Variants in DOCK11 observed in about 807,000 individuals in gnomAD.
DOCK11 encodes dedicator of cytokinesis protein 11.
DOCK11 carries 70 observed loss-of-function variants against 169.1 expected under a neutral mutation model. The observed-to-expected ratio is 0.41, with a 90% CI of 0.34 to 0.51. The LOEUF (loss-of-function observed/expected upper bound fraction) is 0.51. Ranked by LOEUF, DOCK11 falls within the 20% of genes least tolerant of loss-of-function variation. The probability of loss-of-function intolerance (pLI) is 0.10; values close to 1 mark genes in which losing one functional copy is unlikely to be tolerated. For synonymous variants in DOCK11, 529 were observed against 541.3 expected (o/e 0.98, Z 0.32); for missense variants, 1,166 against 1,538.8 (o/e 0.76, Z 4.05).
At position 118,685,779 on chromosome X, in the gene DOCK11, A is replaced by T. The variant is rs760741761; in HGVS notation, c.6194A>T (p.Tyr2065Phe). The T allele has an allele frequency of 1.7e-6, 2 of 1,211,697 alleles. No individual in the cohort carries two copies. The highest frequency in any genetic ancestry group is 2.2e-6 in the Non-Finnish European group (2 of 895,382). The change falls in exon 53 of 53, where the codon TAT becomes TTT. Residue 2065 changes from tyrosine to phenylalanine, a missense_variant. Tyr to Phe is a conservative substitution (Grantham distance 22). Transcript: ENST00000276202. ...AISGTSSDRG[Y>F]GSPRYAEV ...AGTGGTACATCAAGTGACCGAGGTT[A>T]TGGTTCCCCAAGATACGCTGAAGTG...
chrX:118,516,139 C>T (rs2147317114), intron 1 of DOCK11, among the ~76,000 whole-genome samples: 1 of 87,044 alleles, frequency 1.1e-5, no homozygotes, highest in East Asian at 3.5e-4. Context: ...GTTATCCAGC[C>T]TGGAGTGCAG....
intron 1 of DOCK11, among the ~76,000 whole-genome samples, chrX:118,537,534 A>G (rs1043723877): frequency 1.8e-5 from 2 of 112,435 alleles, no homozygotes; most frequent in Non-Finnish European, 3.7e-5. Flanking sequence ...TGTCTTACAC[A>G]TTTCTAATGA....
At chrX:118,631,776 G>T (rs1008361996) in intron 35 of DOCK11, among the ~76,000 whole-genome samples, 6 of 110,847 alleles carry the variant, frequency 5.4e-5, no homozygotes, top group African/African-American at 2.0e-4. Context: ...TACCACCACA[G>T]CCCAAAGAAT....
chrX:118,581,732 A>T (rs2013642982), intron 14 of DOCK11, among the ~76,000 whole-genome samples: 1 of 89,729 alleles, frequency 1.1e-5, no homozygotes, highest in African/African-American at 4.3e-5. Flanking sequence ...TGAACCTGGG[A>T]GGTGGAGCTT....
intron 20 of DOCK11, among the ~76,000 whole-genome samples, chrX:118,593,747 C>A (rs975166178): frequency 1.8e-5 from 2 of 111,363 alleles, no homozygotes; most frequent in African/African-American, 3.3e-5. Flanking sequence ...CCTGGGAATT[C>A]TGGGAGATAC....
chrX:118,622,768 A>G (rs1321443110), intron 31 of DOCK11, among the ~76,000 whole-genome samples: 7 of 111,917 alleles, frequency 6.3e-5, no homozygotes, highest in South Asian at 3.7e-4. Context: ...GGTTTTGCGC[A>G]TGTCTCTAAC....
chrX:118,623,392 C>T (rs373187915), intron 31 of DOCK11, among the ~76,000 whole-genome samples: 1 of 112,380 alleles, frequency 8.9e-6, no homozygotes, highest in African/African-American at 3.2e-5. Context: ...CTAATAGAAC[C>T]CATGAAACGG....
chrX:118,585,081 A>G lies in DOCK11; in HGVS notation c.1759A>G (p.Asn587Asp). ...TKLQIIPGQL[N>D]ITVECVPVDL... ...ACTGCAGATTATTCCTGGGCAGCTAAACATCACAGTAGAATGTGTTCCTGT... is the reference window on the plus strand; with the variant it reads ...ACTGCAGATTATTCCTGGGCAGCTAGACATCACAGTAGAATGTGTTCCTGT... Residue 587 changes from asparagine (N) to aspartate (D), a missense_variant, in exon 16 of 53, where the codon AAC becomes GAC. Coordinates refer to ENST00000276202, the MANE Select transcript of DOCK11 (RefSeq NM_144658.4). 1 of 1,209,928 alleles carries G rather than the reference A, an allele frequency of 8.3e-7. No homozygotes were observed. Among genetic ancestry groups the G allele is most frequent in the Non-Finnish European group, 1.1e-6 (1 of 893,802 alleles).
chrX:118,548,665 G>A (rs972105658), intron 6 of DOCK11, among the ~76,000 whole-genome samples: 4 of 111,487 alleles, frequency 3.6e-5, no homozygotes, highest in Admixed American at 9.6e-5. Flanking sequence ...TCTAGAAGCC[G>A]GAAAAGGTAA....
chrX:118,510,192 T>G, intron 1 of DOCK11, among the ~76,000 whole-genome samples: 1 of 112,230 alleles, frequency 8.9e-6, no homozygotes, highest in Non-Finnish European at 1.9e-5. Context: ...TCACCCAAGT[T>G]TGAGGACTGA....
chrX:118,653,812 A>G (rs748808938), intron 42 of DOCK11, among the ~76,000 whole-genome samples: 21 of 112,058 alleles, frequency 1.9e-4, no homozygotes, highest in Non-Finnish European at 3.8e-4. Context: ...TCTCTGAATC[A>G]TATAGATAAT....
intron 1 of DOCK11, among the ~76,000 whole-genome samples, chrX:118,510,154 A>C (rs933794091): frequency 8.9e-6 from 1 of 112,057 alleles, no homozygotes; most frequent in Non-Finnish European, 1.9e-5. Context: ...TCATTGAGGA[A>C]CCATTATTCT....
chrX:118,568,832 G>C (rs1214331257), intron 10 of DOCK11, among the ~76,000 whole-genome samples: 1 of 111,293 alleles, frequency 9.0e-6, no homozygotes, highest in African/African-American at 3.3e-5. Context: ...CAGTATTTAA[G>C]TATTACAAAT....
chrX:118,608,110 G>A lies in DOCK11; in HGVS notation c.2720G>A (p.Gly907Asp). 2 of 1,205,657 alleles carry A rather than the reference G, an allele frequency of 1.7e-6. No individual in the cohort carries two copies. Among genetic ancestry groups the A allele is most frequent in the Non-Finnish European group, 2.2e-6 (2 of 892,858 alleles). Residue 907 changes from glycine to aspartate, a missense_variant, in exon 25 of 53, where the codon GGC becomes GAC. Transcript: ENST00000276202. ...LHIVSKCHEEGLDSYLRSFIK... is the reference protein window; with the variant it reads ...LHIVSKCHEEDLDSYLRSFIK... ...ATTGTATCAAAGTGCCATGAAGAAG[G>A]CTTGGATAGTTATCTAAGATCATTC...
intron 1 of DOCK11, among the ~76,000 whole-genome samples, chrX:118,501,771 C>T (rs2057577600): frequency 1.8e-5 from 2 of 111,679 alleles, no homozygotes; most frequent in South Asian, 3.7e-4. Context: ...TTAAATTGCT[C>T]TACAGAAAGT....
chrX:118,670,877 C>T (rs2016452879), intron 45 of DOCK11, 146 bp from the exon 46 acceptor site: 2 of 377,903 alleles, frequency 5.3e-6, no homozygotes, highest in Non-Finnish European at 8.6e-6. Context: ...TAGAAAATAT[C>T]GTCACACAAG....
At chrX:118,551,024 G>A (rs1367817142) in intron 6 of DOCK11, among the ~76,000 whole-genome samples, 1 of 111,664 alleles carries the variant, frequency 9.0e-6, no homozygotes, top group Admixed American at 9.5e-5. Flanking sequence ...TTCCCTGCCC[G>A]CTAGGAACTC....
intron 40 of DOCK11, among the ~76,000 whole-genome samples, chrX:118,647,548 T>A (rs1320253338): frequency 1.4e-5 from 1 of 71,341 alleles, no homozygotes; most frequent in Non-Finnish European, 2.5e-5. Context: ...ATATTATATA[T>A]GTTATTATAT....
At chrX:118,549,403 C>CA (rs1361080045) in intron 6 of DOCK11, among the ~76,000 whole-genome samples, 1 of 110,672 alleles carries the variant, frequency 9.0e-6, no homozygotes, top group Non-Finnish European at 1.9e-5. Context: ...CTCAGCCTCC[C>CA]AAAGTGCTGG....
Sources: allele counts gnomAD v4.1 joint callset (sites outside exome capture counted in the v4.1 genomes callset), GRCh38; gene constraint gnomAD v4.1.1; transcripts MANE v1.5; gene names NCBI Gene and HGNC (gene_info 2026-07-23, HGNC 2026-07-21).